FZD6: variants seen among roughly 807,000 people sequenced by gnomAD.
The protein encoded by FZD6 is frizzled class receptor 6, also known as frizzled-6.
Under a neutral mutation model 61.4 loss-of-function variants are expected in FZD6, and 49 were observed. The ratio of observed to expected loss-of-function variants is 0.80; its 90% CI spans 0.63 to 1.01. The LOEUF is 1.01. FZD6 is among the 50% of genes least tolerant of loss of function. The probability of loss-of-function intolerance (pLI) is 0.00; values close to 1 mark genes in which losing one functional copy is unlikely to be tolerated. For missense variants in FZD6, 724 were observed against 848.2 expected (o/e 0.85, Z 1.82); for synonymous variants, 265 against 292.2 (o/e 0.91, Z 0.95).
rs769116796 is a variant in FZD6 at position 103,318,758 on chromosome 8, C to T, written c.346C>T (p.Arg116Ter). The part of the protein sequence containing the change: ...CKKLIDTFGI[R>*]WPEELECDRL... The stretch of plus-strand genomic sequence containing the variant: ...AAAATTAATTGACACTTTTGGGATC[C>T]GATGGCCTGAGGAGCTTGAATGTGA... Residue 116 changes from arginine (R) to a stop codon, truncating the protein, a stop_gained, in exon 3 of 7, where the codon CGA becomes TGA. Coordinates refer to ENST00000358755, the MANE Select transcript of FZD6 (RefSeq NM_003506.4). LOFTEE classifies it high-confidence loss of function. 37 of 1,608,832 alleles carry T rather than the reference C, an allele frequency of 2.3e-5. No individual in the cohort carries two copies. The highest frequency in any genetic ancestry group is 3.1e-5 in the Non-Finnish European group (36 of 1,175,480).
At chr8:103,326,895 A>T (rs964976108) in intron 4 of FZD6, among the ~76,000 whole-genome samples, 10 of 152,166 alleles carry the variant, frequency 6.6e-5, no homozygotes, top group Admixed American at 6.5e-4. Context: ...AAATGAAAAA[A>T]CTATTCTTAA....
chr8:103,319,388 C>T (rs1814718559), intron 3 of FZD6, among the ~76,000 whole-genome samples: 2 of 152,262 alleles, frequency 1.3e-5, no homozygotes, highest in East Asian at 3.9e-4. Context: ...ACCCAGGGCC[C>T]ATCTTTCATA....
intron 2 of FZD6, among the ~76,000 whole-genome samples, chr8:103,310,944 A>G (rs1453008448): frequency 6.6e-6 from 1 of 152,166 alleles, no homozygotes; most frequent in Non-Finnish European, 1.5e-5. Flanking sequence ...ATCACTTGCA[A>G]ACCATTCTTT....
At chr8:103,327,720 C>G (rs1814993263) in intron 4 of FZD6, among the ~76,000 whole-genome samples, 1 of 151,992 alleles carries the variant, frequency 6.6e-6, no homozygotes, top group South Asian at 2.1e-4. Flanking sequence ...AATATCGTGA[C>G]CCTTGTGCAA....
At chr8:103,300,351 AT>A in intron 2 of FZD6, 67 bp downstream of exon 2, 1 of 1,143,204 alleles carries the variant, frequency 8.7e-7, no homozygotes, top group Non-Finnish European at 1.3e-6. Flanking sequence ...ACTAGTAAAA[AT>A]AAGTCTATTT....
chr8:103,321,854 C>G (rs1038583987), intron 3 of FZD6, among the ~76,000 whole-genome samples: 3 of 152,226 alleles, frequency 2.0e-5, no homozygotes, highest in Admixed American at 2.0e-4. Flanking sequence ...ATTTCTCCCT[C>G]TTTCCCCACA....
intron 2 of FZD6, among the ~76,000 whole-genome samples, chr8:103,306,469 C>T (rs1361600354): frequency 6.7e-6 from 1 of 149,152 alleles, no homozygotes; most frequent in East Asian, 2.0e-4. Flanking sequence ...CTTTAGTGAG[C>T]CTGTTGTTTT....
intron 2 of FZD6, among the ~76,000 whole-genome samples, chr8:103,311,912 G>A (rs1814506758): frequency 1.3e-5 from 2 of 152,092 alleles, no homozygotes; most frequent in South Asian, 2.1e-4. Flanking sequence ...AAAACTACCT[G>A]CCAAAGGTAG....
chr8:103,320,848 C>T (rs1225579448), intron 3 of FZD6, among the ~76,000 whole-genome samples: 2 of 152,056 alleles, frequency 1.3e-5, no homozygotes, highest in African/African-American at 4.8e-5. Context: ...AGGATGATGA[C>T]AGCAAAAGGA....
At chr8:103,310,928 G>T (rs1401353106) in intron 2 of FZD6, among the ~76,000 whole-genome samples, 1 of 152,152 alleles carries the variant, frequency 6.6e-6, no homozygotes, top group Non-Finnish European at 1.5e-5. Flanking sequence ...CTCCTGTTTT[G>T]CTGAGATCAC....
At chr8:103,318,482 T>C (rs1814691864) in intron 2 of FZD6, 108 bp from the exon 3 acceptor site, 1 of 718,876 alleles carries the variant, frequency 1.4e-6, no homozygotes, top group African/African-American at 1.8e-5. Context: ...GATTTAAAGA[T>C]TCTTTTGCAG....
At chr8:103,299,757 C>T (rs1020756631) in intron 1 of FZD6, among the ~76,000 whole-genome samples, 199 bp from the exon 2 acceptor site, 2 of 152,182 alleles carry the variant, frequency 1.3e-5, no homozygotes, top group East Asian at 1.9e-4. Flanking sequence ...CTCCTAGCAT[C>T]GGTTTCCTAG....
intron 4 of FZD6, among the ~76,000 whole-genome samples, chr8:103,325,975 T>TC (rs1814941639): frequency 6.6e-6 from 1 of 152,212 alleles, no homozygotes. Context: ...ATTTCTCAAT[T>TC]GAAAAAAACA....
intron 3 of FZD6, among the ~76,000 whole-genome samples, chr8:103,320,222 A>T (rs1522708): frequency 6.6e-6 from 1 of 152,010 alleles, no homozygotes; most frequent in Admixed American, 6.6e-5. Context: ...GGAAAGAAGG[A>T]TATGTGTTCG....
At chr8:103,330,135 A>T in intron 6 of FZD6, 70 bp downstream of exon 6, 1 of 1,356,578 alleles carries the variant, frequency 7.4e-7, no homozygotes, top group South Asian at 1.2e-5. Context: ...ATTAAAGCAT[A>T]ACACATTTGG....
intron 4 of FZD6, among the ~76,000 whole-genome samples, chr8:103,325,718 C>G (rs1214623340): frequency 6.6e-6 from 1 of 152,098 alleles, no homozygotes; most frequent in East Asian, 1.9e-4. Context: ...TTCCTTTATT[C>G]TCTGAAAAAT....
At chr8:103,299,776 C>T (rs1814097380) in intron 1 of FZD6, among the ~76,000 whole-genome samples, 180 bp from the exon 2 acceptor site, 1 of 152,200 alleles carries the variant, frequency 6.6e-6, no homozygotes, top group East Asian at 1.9e-4. Flanking sequence ...AGAGGTGCAG[C>T]TTCCTTAGCA....
intron 2 of FZD6, among the ~76,000 whole-genome samples, chr8:103,315,794 C>A (rs1006516987): frequency 3.3e-5 from 5 of 152,108 alleles, no homozygotes; most frequent in African/African-American, 1.2e-4. Flanking sequence ...AAAAGAAAAC[C>A]CTCAATACTA....
At position 103,332,754 on chromosome 8, in the gene FZD6, G is replaced by A. The variant is rs1332192574; in HGVS notation, c.*1245G>A. ...TGTTAAGGCACAAAAACTATGTACT[G>A]TATGGGAAATGTTGTAAATATTACC... On this transcript the variant is annotated 3_prime_UTR_variant, in exon 7 of 7. Coordinates refer to ENST00000358755, the MANE Select transcript of FZD6 (RefSeq NM_003506.4). The A allele has an allele frequency of 6.6e-6, 1 of 152,516 alleles. No homozygotes were observed. The highest frequency in any genetic ancestry group is 1.9e-4 in the East Asian group (1 of 5,202). 9.4% of individuals were successfully genotyped at this position (152,516 alleles called of 1,614,324 possible).
Sources: allele counts gnomAD v4.1 joint callset (sites outside exome capture counted in the v4.1 genomes callset), GRCh38; gene constraint gnomAD v4.1.1; transcripts MANE v1.5; gene names NCBI Gene and HGNC (gene_info 2026-07-23, HGNC 2026-07-21).